ZPBP: variants seen among roughly 807,000 people sequenced by gnomAD.
The protein encoded by ZPBP is zona pellucida-binding protein 1.
ZPBP carries 26 observed loss-of-function variants against 44.8 expected under a neutral mutation model. That is an observed-to-expected ratio of 0.58 (90% CI 0.43 to 0.81). ZPBP has a LOEUF of 0.81. Among genes scored for constraint, ZPBP ranks in the 30% least tolerant of loss-of-function variants. The probability of loss-of-function intolerance (pLI) is 0.00; values close to 1 mark genes in which losing one functional copy is unlikely to be tolerated. For synonymous variants in ZPBP, 174 were observed against 153.2 expected (o/e 1.14, Z -1.00); for missense variants, 409 against 434.0 (o/e 0.94, Z 0.51).
chr7:49,975,534 T>C (rs530980330), intron 7 of ZPBP, among the ~76,000 whole-genome samples: 19 of 152,334 alleles, frequency 1.2e-4, no homozygotes, highest in African/African-American at 4.1e-4. Flanking sequence ...CCTCATCATG[T>C]GGGCTACTGC....
At chr7:49,937,395 T>C, downstream of ZPBP, 3 of 697,788 alleles carry the variant, frequency 4.3e-6, no homozygotes, top group Non-Finnish European at 7.5e-6. Flanking sequence ...CATTTGGACA[T>C]ACAGTATTTG....
chr7:49,969,850 G>GAA (rs1364185378), intron 7 of ZPBP, among the ~76,000 whole-genome samples: 1 of 57,270 alleles, frequency 1.7e-5, no homozygotes, highest in African/African-American at 4.7e-5. Context: ...GAGAGAAAGA[G>GAA]AAAGAGAGAG....
intron 1 of ZPBP, among the ~76,000 whole-genome samples, chr7:49,926,644 C>T (rs1485070961): frequency 6.6e-6 from 1 of 152,206 alleles, no homozygotes; most frequent in Non-Finnish European, 1.5e-5. Flanking sequence ...TATTCTCAGA[C>T]CACTTCTGGC....
intron 4 of ZPBP, among the ~76,000 whole-genome samples, chr7:50,055,214 T>C (rs545327005): frequency 1.3e-5 from 2 of 152,272 alleles, no homozygotes; most frequent in East Asian, 1.9e-4. Flanking sequence ...GATGGACAGA[T>C]ATTTAAATGT....
chr7:50,093,098 A>G lies in ZPBP; in HGVS notation c.97T>C (p.Ser33Pro). The G allele has an allele frequency of 6.3e-7, 1 of 1,599,094 alleles. No homozygotes were observed. Among genetic ancestry groups the G allele is most frequent in the Non-Finnish European group, 8.5e-7 (1 of 1,173,096 alleles). Residue 33 changes from serine (S) to proline (P), a missense_variant, in exon 1 of 8, where the codon TCC becomes CCC. Coordinates refer to ENST00000046087, the MANE Select transcript of ZPBP (RefSeq NM_007009.3). ...GAGGGCACCCGCACCAGGAAGGCGG[A>G]GATAAAGAGGAGGATGGCGGCCCGA... Reference protein sequence around the residue: ...LSRAAILLFISAFLVRVPSSV... With the variant: ...LSRAAILLFIPAFLVRVPSSV...
intron 1 of ZPBP, 49 bp downstream of exon 1, chr7:50,093,019 G>A: frequency 1.9e-6 from 3 of 1,572,730 alleles, no homozygotes; most frequent in Non-Finnish European, 2.6e-6. Context: ...AAGAGTGGGG[G>A]AAGCTGCGGT....
In ZPBP at chr7:50,090,354, G is replaced by C. The variant is rs540471179; in HGVS notation, c.128-645C>G. Among the ~76,000 whole-genome samples the C allele has an allele frequency of 2.6e-5, 4 of 151,766 alleles. No individual in the cohort carries two copies. In the South Asian group the frequency reaches 8.3e-4, roughly 32 times the overall value. The stretch of plus-strand genomic sequence containing the variant: ...TATAAATGAGAACATATAATGTTTG[G>C]TTTTGCATTCCTGAGTTACTTCACT... On this transcript the variant is annotated intron_variant, in intron 1 of 7. Coordinates refer to ENST00000046087, the MANE Select transcript of ZPBP (RefSeq NM_007009.3).
intron 4 of ZPBP, among the ~76,000 whole-genome samples, chr7:50,057,598 G>A (rs1340559817): frequency 6.6e-6 from 1 of 152,184 alleles, no homozygotes; most frequent in East Asian, 1.9e-4. Context: ...CACCAGAAAA[G>A]GAATTTATAG....
intron 6 of ZPBP, among the ~76,000 whole-genome samples, chr7:49,983,879 A>C (rs1562823025): frequency 6.6e-6 from 1 of 152,110 alleles, no homozygotes; most frequent in Non-Finnish European, 1.5e-5. Context: ...CATCTGTAAG[A>C]AGCTTATCCT....
intron 7 of ZPBP, among the ~76,000 whole-genome samples, chr7:49,981,373 AT>A (rs1796892630): frequency 1.4e-4 from 1 of 7,400 alleles, no homozygotes; most frequent in Admixed American, 2.3e-3. Context: ...ATAATTATAT[AT>A]ATTATATATA....
intron 7 of ZPBP, among the ~76,000 whole-genome samples, chr7:49,938,288 T>C (rs1794700155): frequency 6.6e-6 from 1 of 152,214 alleles, no homozygotes; most frequent in South Asian, 2.1e-4. Context: ...TACCACTTGC[T>C]AAATGTGCAA....
chr7:49,898,015 A>G (rs1204886184), intron 2 of ZPBP, among the ~76,000 whole-genome samples: 1 of 152,194 alleles, frequency 6.6e-6, no homozygotes, highest in Non-Finnish European at 1.5e-5. Flanking sequence ...TTAACCTGCT[A>G]GGGTTTTATC....
In ZPBP at chr7:50,002,205, T is replaced by C. The variant is rs144208868; in HGVS notation, c.783+16035A>G. Among the ~76,000 whole-genome samples the C allele has an allele frequency of 6.9e-4, 105 of 152,294 alleles. 1 individual carries two copies. In the East Asian group the frequency reaches 0.017, roughly 25 times the overall value. On this transcript the variant is annotated intron_variant, in intron 6 of 7. Coordinates refer to ENST00000046087, the MANE Select transcript of ZPBP (RefSeq NM_007009.3). ...ATGAGGAGCCAAATTACGTCTTACA[T>C]GGCAGCAGGCAAGAGAGCTTGTGCA...
At chr7:50,086,517 T>C (rs1018171261) in intron 2 of ZPBP, among the ~76,000 whole-genome samples, 23 of 151,942 alleles carry the variant, frequency 1.5e-4, no homozygotes, top group Admixed American at 4.6e-4. Flanking sequence ...TCAATAAAGA[T>C]ACAAAAATTA....
At chr7:50,079,375 A>T (rs1802256109) in intron 3 of ZPBP, among the ~76,000 whole-genome samples, 1 of 151,678 alleles carries the variant, frequency 6.6e-6, no homozygotes, top group Admixed American at 6.6e-5. Context: ...TTAGAATAAT[A>T]TCTGACACAT....
intron 6 of ZPBP, among the ~76,000 whole-genome samples, chr7:49,993,782 G>A (rs997230094): frequency 6.6e-6 from 1 of 152,148 alleles, no homozygotes; most frequent in Non-Finnish European, 1.5e-5. Flanking sequence ...TTAGTGAATG[G>A]GAATCCATAT....
At chr7:49,931,051 T>C (rs1794427575) in intron 1 of ZPBP, among the ~76,000 whole-genome samples, 1 of 152,254 alleles carries the variant, frequency 6.6e-6, no homozygotes, top group East Asian at 1.9e-4. Flanking sequence ...GCATGCTCTC[T>C]TGCCTGCCAC....
At chr7:49,850,643 G>C (rs1355878989) in intron 2 of ZPBP, 1 of 152,204 alleles carries the variant, frequency 6.6e-6, no homozygotes, top group Middle Eastern at 3.2e-3. Context: ...AGGATCAACT[G>C]TTTGTGATTA....
At chr7:49,904,598 A>G (rs1792977567) in intron 1 of ZPBP, among the ~76,000 whole-genome samples, 1 of 152,242 alleles carries the variant, frequency 6.6e-6, no homozygotes, top group African/African-American at 2.4e-5. Context: ...ATCCAAATTT[A>G]CATTTTAGTT....
Sources: allele counts gnomAD v4.1 joint callset (sites outside exome capture counted in the v4.1 genomes callset), GRCh38; gene constraint gnomAD v4.1.1; transcripts MANE v1.5; gene names NCBI Gene and HGNC (gene_info 2026-07-23, HGNC 2026-07-21).